The following STOX2 variants were observed in gnomAD, a reference collection of about 807,000 sequenced individuals.
The protein encoded by STOX2 is storkhead box 2, also known as storkhead-box protein 2.
STOX2 carries 28 observed loss-of-function variants against 60.9 expected under a neutral mutation model. The observed-to-expected ratio is 0.46, with a 90% confidence interval of 0.34 to 0.63. STOX2 has a LOEUF of 0.63. STOX2 is among the 30% of genes least tolerant of loss of function. STOX2 has a pLI of 0.01. For missense variants in STOX2, 1,024 were observed against 1,187.7 expected (o/e 0.86, Z 2.03); for synonymous variants, 472 against 463.9 (o/e 1.02, Z -0.22).
At chr4:183,839,439 A>G (rs1356690919) in intron 1 of STOX2, among the ~76,000 whole-genome samples, 1 of 152,192 alleles carries the variant, frequency 6.6e-6, no homozygotes, top group Non-Finnish European at 1.5e-5. Context: ...CACACACACA[A>G]CAAAAGTTTA....
intron 1 of STOX2, among the ~76,000 whole-genome samples, chr4:183,871,010 A>T (rs1458954743): frequency 6.6e-6 from 1 of 152,232 alleles, no homozygotes; most frequent in Non-Finnish European, 1.5e-5. Flanking sequence ...GGCTTACTGG[A>T]TGGCTGCCTA....
At chr4:183,810,970 C>T (rs1655642510) in intron 1 of STOX2, among the ~76,000 whole-genome samples, 1 of 151,866 alleles carries the variant, frequency 6.6e-6, no homozygotes, top group African/African-American at 2.4e-5. Context: ...CCAGGGTGAT[C>T]AGACAGCACG....
chr4:183,922,270 C>G (rs1028133761), intron 1 of STOX2, among the ~76,000 whole-genome samples: 2 of 151,314 alleles, frequency 1.3e-5, no homozygotes, highest in African/African-American at 4.9e-5. Flanking sequence ...TAGATTCATG[C>G]TTAGTCATGC....
chr4:183,825,424 G>T lies in STOX2; in HGVS notation c.364+27369G>T, dbSNP rs989682903. ...TGTGGCGCGTGCTGCAGATGGCAGCGGTCAGCTCGTGTCATCTCCTAGCAT... is the reference window on the plus strand; with the variant it reads ...TGTGGCGCGTGCTGCAGATGGCAGCTGTCAGCTCGTGTCATCTCCTAGCAT... On this transcript the variant is annotated intron_variant, in intron 1 of 2. Transcript: ENST00000513034. This position sits in a 1 kb window ranked among gnomAD's most constrained non-coding sequence, Gnocchi z 4.1. 6.6e-6 allele frequency among the ~76,000 whole-genome samples: 1 copy of T among 152,090 alleles called. No individual in the cohort carries two copies. The highest frequency in any genetic ancestry group is 2.4e-5 in the African/African-American group (1 of 41,368).
chr4:183,861,253 C>T lies in STOX2; in HGVS notation c.364+63198C>T, dbSNP rs189604116. On this transcript the variant is annotated intron_variant, in intron 1 of 2. Coordinates refer to the STOX2 transcript ENST00000513034. ...CCCTAGATCTCAGAAGGAGCTGCCC[C>T]CCACCACTGAGGTTCAACAAAACCC... Among the ~76,000 whole-genome samples the T allele has an allele frequency of 2.1e-3, 327 of 152,220 alleles. 1 individual carries two copies. Among genetic ancestry groups the T allele is most frequent in the Non-Finnish European group, 3.6e-3 (248 of 68,012 alleles).
intron 1 of STOX2, among the ~76,000 whole-genome samples, chr4:183,871,954 T>A (rs1740703063): frequency 1.3e-5 from 2 of 152,298 alleles, no homozygotes; most frequent in South Asian, 4.1e-4. Flanking sequence ...AATTTGCGCC[T>A]CATATATTAA....
intron 1 of STOX2, among the ~76,000 whole-genome samples, chr4:183,915,212 C>A (rs950279100): frequency 6.6e-6 from 1 of 152,166 alleles, no homozygotes; most frequent in Non-Finnish European, 1.5e-5. Context: ...TGGCCTTATC[C>A]GTCTGATGGC....
At chr4:183,812,527 C>T (rs1286424643) in intron 1 of STOX2, among the ~76,000 whole-genome samples, 5 of 152,150 alleles carry the variant, frequency 3.3e-5, no homozygotes, top group African/African-American at 1.2e-4. Context: ...TTAGTAGAAA[C>T]TCAGTTACGT....
In STOX2 at chr4:183,976,307, G is replaced by A. The variant is rs143913922; in HGVS notation, c.167-25018G>A. On this transcript the variant is annotated intron_variant, in intron 1 of 3. Coordinates refer to ENST00000308497, the MANE Select transcript of STOX2 (RefSeq NM_020225.3). Reference sequence around the variant, plus strand: ...AGCCTGGGCAACAGAGCGAGACTGCGTCTCAAAAACAAACAAAAAAAAAGA... The same window carrying A: ...AGCCTGGGCAACAGAGCGAGACTGCATCTCAAAAACAAACAAAAAAAAAGA... Among the ~76,000 whole-genome samples, 852 of 151,502 alleles carry A rather than the reference G, an allele frequency of 5.6e-3. 10 individuals are homozygous for A. Among genetic ancestry groups the A allele is most frequent in the African/African-American group, 0.02 (808 of 41,080 alleles).
intron 1 of STOX2, among the ~76,000 whole-genome samples, chr4:183,971,478 T>G (rs963933709): frequency 6.6e-6 from 1 of 152,180 alleles, no homozygotes; most frequent in Non-Finnish European, 1.5e-5. Context: ...GAGGGTGGAC[T>G]TGAGGAAAGA....
chr4:183,978,679 T>G (rs1004387004), intron 1 of STOX2, among the ~76,000 whole-genome samples: 8 of 152,228 alleles, frequency 5.3e-5, no homozygotes, highest in African/African-American at 1.9e-4. Context: ...ATTTTAACAT[T>G]AGGCTCAGTG....
chr4:183,841,895 G>A (rs1432436382), intron 1 of STOX2, among the ~76,000 whole-genome samples: 4 of 152,138 alleles, frequency 2.6e-5, no homozygotes, highest in African/African-American at 9.7e-5. Flanking sequence ...CAATTTGAAA[G>A]AGTCATTTAT....
Position 183,798,565 on chromosome 4 carries a change from G to T in STOX2, c.364+510G>T, listed in dbSNP as rs1436195278. ...GCGGGGGACGCGCCGGGAAGCTAGG[G>T]TTGAGGCTGAGTGTTGCGCGCACGC... On this transcript the variant is annotated intron_variant, in intron 1 of 2. Coordinates refer to the STOX2 transcript ENST00000513034. 3 of 958,406 alleles carry T rather than the reference G, an allele frequency of 3.1e-6. No individual in the cohort carries two copies. In the Admixed American group the frequency reaches 1.8e-4, roughly 59 times the overall value. The allele number at this position is 958,406 out of a possible 1,614,324, so 59.4% of individuals were successfully genotyped here.
chr4:183,990,120 A>G (rs990011762), intron 1 of STOX2, among the ~76,000 whole-genome samples: 1 of 152,162 alleles, frequency 6.6e-6, no homozygotes, highest in African/African-American at 2.4e-5. Flanking sequence ...AGCAACGTTG[A>G]GGATGCTGAG....
chr4:183,909,152 T>C (rs1741707546), intron 1 of STOX2, among the ~76,000 whole-genome samples: 1 of 151,884 alleles, frequency 6.6e-6, no homozygotes, highest in African/African-American at 2.4e-5. Flanking sequence ...CTTTTGGGGG[T>C]TGGGTTGGGA....
At chr4:183,909,814 C>G (rs1049057474) in intron 1 of STOX2, among the ~76,000 whole-genome samples, 1 of 152,152 alleles carries the variant, frequency 6.6e-6, no homozygotes, top group Non-Finnish European at 1.5e-5. Context: ...AAGTAATTAC[C>G]AGTGTGAAAT....
chr4:183,875,324 A>G (rs937907285), intron 1 of STOX2, among the ~76,000 whole-genome samples: 1 of 152,064 alleles, frequency 6.6e-6, no homozygotes, highest in African/African-American at 2.4e-5. Context: ...GTGGTGGTGA[A>G]TACCTTGGCT....
chr4:183,812,332 ATAACTT>A (rs33982452), intron 1 of STOX2, among the ~76,000 whole-genome samples: 41,509 of 152,060 alleles, frequency 0.27, 6,593 homozygotes, highest in African/African-American at 0.45. Context: ...TGAATAAACT[ATAACTT>A]TAAATTTACT....
intron 1 of STOX2, among the ~76,000 whole-genome samples, chr4:183,989,498 G>A (rs776897820): frequency 7.9e-5 from 12 of 152,070 alleles, no homozygotes; most frequent in Non-Finnish European, 1.3e-4. Flanking sequence ...CACTGTGCCC[G>A]GCCTCGACAT....
Sources: gnomAD v4.1 joint callset for allele counts (sites outside exome capture counted in the v4.1 genomes callset) on GRCh38, gnomAD v4.1.1 for gene constraint, Gnocchi (gnomAD v3.1) non-coding constraint, MANE v1.5 for transcripts, NCBI Gene and HGNC (gene_info 2026-07-23, HGNC 2026-07-21) for gene names.